Variants in BABAM2 observed in about 807,000 individuals in gnomAD.
The protein encoded by BABAM2 is BRISC and BRCA1-A complex member 2.
Under a neutral mutation model 54.7 loss-of-function variants are expected in BABAM2, and 31 were observed. The ratio of observed to expected loss-of-function variants is 0.57; its 90% CI spans 0.43 to 0.77. The LOEUF (loss-of-function observed/expected upper bound fraction) is 0.77. BABAM2 is among the 30% of genes least tolerant of loss of function. The pLI, the probability that BABAM2 is intolerant of heterozygous loss-of-function variation, is 0.00. For missense variants in BABAM2, 364 were observed against 455.8 expected (o/e 0.80, Z 1.83); for synonymous variants, 167 against 162.9 (o/e 1.03, Z -0.19).
intron 2 of BABAM2, among the ~76,000 whole-genome samples, chr2:27,918,330 T>C (rs984611158): frequency 7.9e-5 from 12 of 152,180 alleles, no homozygotes; most frequent in African/African-American, 2.4e-4. Flanking sequence ...TGGAATCATA[T>C]AGTCTTTGTC....
intron 7 of BABAM2, among the ~76,000 whole-genome samples, chr2:28,168,414 T>C (rs1673946624): frequency 6.6e-6 from 1 of 152,162 alleles, no homozygotes; most frequent in Non-Finnish European, 1.5e-5. Flanking sequence ...GCCTACTTCT[T>C]CTGGAGGTCT....
At chr2:28,077,587 G>A (rs1411252559) in intron 6 of BABAM2, among the ~76,000 whole-genome samples, 1 of 152,016 alleles carries the variant, frequency 6.6e-6, no homozygotes, top group Non-Finnish European at 1.5e-5. Context: ...TTTGAGGGGA[G>A]GGGACAACTA....
At chr2:28,289,209 T>C (rs973218957) in intron 10 of BABAM2, among the ~76,000 whole-genome samples, 1 of 152,110 alleles carries the variant, frequency 6.6e-6, no homozygotes, top group African/African-American at 2.4e-5. Context: ...CTACCCTGAA[T>C]TTTATGTTAA....
intron 11 of BABAM2, 133 bp from the exon 12 acceptor site, chr2:28,338,317 A>T (rs1691648273): frequency 1.2e-6 from 1 of 818,710 alleles, no homozygotes; most frequent in Non-Finnish European, 2.1e-6. Context: ...TCAGCAGAGA[A>T]GGCAAATCCA....
intron 4 of BABAM2, among the ~76,000 whole-genome samples, chr2:28,014,613 T>C (rs1265554659): frequency 1.3e-5 from 2 of 151,930 alleles, no homozygotes; most frequent in African/African-American, 4.8e-5. Context: ...TTTTCTTTTT[T>C]TTTTTTTGCC....
At chr2:28,244,120 AT>A (rs1682702536) in intron 9 of BABAM2, among the ~76,000 whole-genome samples, 1 of 152,004 alleles carries the variant, frequency 6.6e-6, no homozygotes. Context: ...TGAAATATGC[AT>A]CTCCCTTCCT....
chr2:28,268,505 T>G (rs1442590812), intron 10 of BABAM2, among the ~76,000 whole-genome samples: 1 of 152,348 alleles, frequency 6.6e-6, no homozygotes, highest in East Asian at 1.9e-4. Context: ...GTATTACAAG[T>G]ATTCTTTGGT....
intron 7 of BABAM2, among the ~76,000 whole-genome samples, chr2:28,176,657 G>A (rs1675020582): frequency 1.4e-5 from 2 of 139,908 alleles, no homozygotes; most frequent in Admixed American, 1.5e-4. Flanking sequence ...AAACAATTCA[G>A]GATGTGAATG....
intron 5 of BABAM2, 159 bp downstream of exon 5, chr2:28,025,579 T>A: frequency 1.5e-6 from 1 of 669,672 alleles, no homozygotes; most frequent in Non-Finnish European, 2.3e-6. Context: ...CCTTAATGTT[T>A]GTCTAGTTCA....
chr2:28,061,384 G>A (rs563773218), intron 6 of BABAM2, among the ~76,000 whole-genome samples: 1 of 151,798 alleles, frequency 6.6e-6, no homozygotes, highest in South Asian at 2.1e-4. Flanking sequence ...AGGAGATAGC[G>A]ACCATCCTGG....
At position 28,177,732 on chromosome 2, in the gene BABAM2, A is replaced by T. The variant is rs533828853; in HGVS notation, c.680+48352A>T. Among the ~76,000 whole-genome samples, 230 of 152,024 alleles carry T rather than the reference A, an allele frequency of 1.5e-3. 1 individual carries two copies. The highest frequency in any genetic ancestry group is 5.3e-3 in the African/African-American group (221 of 41,498). On this transcript the variant is annotated intron_variant, in intron 7 of 11. Coordinates refer to ENST00000379624, the MANE Select transcript of BABAM2 (RefSeq NM_199191.3). ...AAAAAAAAAAAAATGACCCAATTAT[A>T]TGCTGCCTAAAAAAACTCACTTCAC... is the stretch of plus-strand genomic sequence containing the variant.
intron 7 of BABAM2, among the ~76,000 whole-genome samples, chr2:28,206,128 A>G (rs1449714957): frequency 1.3e-5 from 2 of 152,152 alleles, no homozygotes; most frequent in African/African-American, 2.4e-5. Context: ...CTATATACCA[A>G]TCACTTTTCT....
chr2:28,159,316 G>A lies in BABAM2; in HGVS notation c.680+29936G>A, dbSNP rs12623663. 1.0e-3 allele frequency among the ~76,000 whole-genome samples: 154 copies of A among 152,300 alleles called. 2 individuals carry two copies. The East Asian group carries it at 0.013, about 13-fold the overall frequency. ...GGCACAGAAGTAACTAACTTGGACAGCATGATGAATTTTGTAATAGAGGTG... is the reference window on the plus strand; with the variant it reads ...GGCACAGAAGTAACTAACTTGGACAACATGATGAATTTTGTAATAGAGGTG... On this transcript the variant is annotated intron_variant, in intron 7 of 11. Transcript: ENST00000379624.
intron 7 of BABAM2, among the ~76,000 whole-genome samples, chr2:28,135,361 T>C (rs1014079085): frequency 6.6e-6 from 1 of 152,206 alleles, no homozygotes; most frequent in Non-Finnish European, 1.5e-5. Flanking sequence ...AGCTTTTTTC[T>C]TCCATAACTT....
At chr2:28,146,556 C>T (rs765489060) in intron 7 of BABAM2, among the ~76,000 whole-genome samples, 11 of 151,968 alleles carry the variant, frequency 7.2e-5, no homozygotes, top group Non-Finnish European at 1.6e-4. Flanking sequence ...AGCAAAAAAC[C>T]ATGAACATGA....
intron 2 of BABAM2, among the ~76,000 whole-genome samples, chr2:27,928,540 T>G (rs1667874747): frequency 6.6e-6 from 1 of 152,138 alleles, no homozygotes; most frequent in Admixed American, 6.5e-5. Flanking sequence ...AAGCCAAAAT[T>G]TTTTGAATTT....
intron 5 of BABAM2, among the ~76,000 whole-genome samples, chr2:28,026,811 T>C (rs1297440023): frequency 1.0e-5 from 1 of 97,362 alleles, no homozygotes; most frequent in African/African-American, 4.5e-5. Context: ...AAAAAATATA[T>C]AAATATATAT....
chr2:28,324,627 C>CAA (rs142164893), intron 11 of BABAM2, among the ~76,000 whole-genome samples: 90 of 132,324 alleles, frequency 6.8e-4, no homozygotes, highest in African/African-American at 2.3e-3. Flanking sequence ...CCCATCTCTA[C>CAA]AAAAAAAAAA....
At chr2:28,163,814 G>C (rs1484644482) in intron 7 of BABAM2, among the ~76,000 whole-genome samples, 1 of 152,168 alleles carries the variant, frequency 6.6e-6, no homozygotes, top group African/African-American at 2.4e-5. Context: ...AAGGTAATGT[G>C]ATCTATCGTC....
Sources: allele counts gnomAD v4.1 joint callset (sites outside exome capture counted in the v4.1 genomes callset), GRCh38; gene constraint gnomAD v4.1.1; transcripts MANE v1.5; gene names NCBI Gene and HGNC (gene_info 2026-07-23, HGNC 2026-07-21).